The following KDM2B variants were observed in gnomAD, a reference collection of about 807,000 sequenced individuals.
KDM2B encodes lysine-specific demethylase 2B.
In KDM2B, 26 loss-of-function variants were observed where a neutral mutation model predicts 150.0. The observed-to-expected ratio is 0.17, with a 90% CI of 0.13 to 0.24. The LOEUF (loss-of-function observed/expected upper bound fraction) is 0.24, where lower values mean the gene tolerates loss of function less well. Among genes scored for constraint, KDM2B ranks in the 10% least tolerant of loss-of-function variants. KDM2B has a pLI of 1.00. For missense variants in KDM2B, 1,265 were observed against 1,816.9 expected (o/e 0.70, Z 5.52); for synonymous variants, 734 against 729.5 (o/e 1.01, Z -0.10).
intron 6 of KDM2B, among the ~76,000 whole-genome samples, chr12:121,547,602 A>G (rs997076728): frequency 4.7e-5 from 7 of 150,298 alleles, no homozygotes; most frequent in Non-Finnish European, 1.0e-4. Flanking sequence ...GGAAGCCCAG[A>G]GCAATGGCCC....
the KDM2B span, chr12:121,416,261 G>A: frequency 6.8e-5 from 109 of 1,614,002 alleles, no homozygotes; most frequent in African/African-American, 9.5e-4. Flanking sequence ...AGGAGCCACC[G>A]GTCCATTCAG....
At chr12:121,504,284 A>G (rs1884856476) in intron 11 of KDM2B, among the ~76,000 whole-genome samples, 1 of 151,586 alleles carries the variant, frequency 6.6e-6, no homozygotes, top group African/African-American at 2.4e-5. Flanking sequence ...TCAGTCTCAG[A>G]CTCCTGGGCT....
chr12:121,450,127 A>C (rs1418368242), intron 13 of KDM2B, among the ~76,000 whole-genome samples: 1 of 151,904 alleles, frequency 6.6e-6, no homozygotes, highest in Non-Finnish European at 1.5e-5. Flanking sequence ...CAGCCTAGAC[A>C]ATAGAGTGAA....
chr12:121,456,654 C>T (rs1301183312), intron 12 of KDM2B, among the ~76,000 whole-genome samples: 2 of 152,174 alleles, frequency 1.3e-5, no homozygotes, highest in African/African-American at 2.4e-5. Context: ...CTCCCTGCCC[C>T]GAGGACAGTG....
At position 121,509,158 on chromosome 12, in the gene KDM2B, G is replaced by C. The variant is rs200347523; in HGVS notation, c.1647+409C>G. ...ACTGCAACCTCCACCTCCCAGGTTCGAGCAATTCTTCTGCCTCAGCCTCCC... is the reference window on the plus strand; with the variant it reads ...ACTGCAACCTCCACCTCCCAGGTTCCAGCAATTCTTCTGCCTCAGCCTCCC... On this transcript the variant is annotated intron_variant, in intron 11 of 22. Transcript: ENST00000377071. Among the ~76,000 whole-genome samples the C allele has an allele frequency of 3.3e-5, 5 of 152,142 alleles. No homozygotes were observed. The East Asian group carries it at 7.7e-4, about 24-fold the overall frequency.
At chr12:121,524,707 A>G in intron 8 of KDM2B, 1 of 454,412 alleles carries the variant, frequency 2.2e-6, no homozygotes, top group Non-Finnish European at 4.4e-6. Context: ...ACAGCCCAGG[A>G]AGCATGAGAG....
At chr12:121,437,508 G>A (rs1593722525) in intron 22 of KDM2B, among the ~76,000 whole-genome samples, 1 of 150,702 alleles carries the variant, frequency 6.6e-6, no homozygotes. Context: ...GTCCACATGG[G>A]AAAAAAAAAG....
chr12:121,440,480 CCAA>C, intron 21 of KDM2B: 1 of 379,742 alleles, frequency 2.6e-6, no homozygotes, highest in Non-Finnish European at 4.8e-6. Flanking sequence ...AGGCTTGAAA[CCAA>C]CGAGGGGCAA....
At chr12:121,506,608 C>G (rs1180570818) in intron 11 of KDM2B, among the ~76,000 whole-genome samples, 1 of 151,860 alleles carries the variant, frequency 6.6e-6, no homozygotes, top group Non-Finnish European at 1.5e-5. Flanking sequence ...TCAAGACCAT[C>G]CTGGCCAACA....
rs1289459514 is a variant in KDM2B at position 121,452,537 on chromosome 12, G to C, written c.1959+583C>G. ...CCCCGGGGAGCAGCGCCCTGAGGAAGGCAGAGCATGTGGGTGTGTACAAGG... is the reference window on the plus strand; with the variant it reads ...CCCCGGGGAGCAGCGCCCTGAGGAACGCAGAGCATGTGGGTGTGTACAAGG... On this transcript the variant is annotated intron_variant, in intron 13 of 22. Coordinates refer to ENST00000377071, the MANE Select transcript of KDM2B (RefSeq NM_032590.5). This position sits in a 1 kb window ranked among gnomAD's most constrained non-coding sequence, Gnocchi z 4.4. Among the ~76,000 whole-genome samples the C allele has an allele frequency of 6.6e-6, 1 of 152,262 alleles. No homozygotes were observed. Among genetic ancestry groups the C allele is most frequent in the African/African-American group, 2.4e-5 (1 of 41,476 alleles).
intron 1 of KDM2B, chr12:121,580,176 C>G: frequency 6.5e-7 from 1 of 1,535,726 alleles, no homozygotes; most frequent in Non-Finnish European, 8.7e-7. Context: ...AAGCCAGAGC[C>G]GAGATCTACA....
chr12:121,555,419 C>A (rs927938392), intron 4 of KDM2B, among the ~76,000 whole-genome samples: 13 of 152,160 alleles, frequency 8.5e-5, no homozygotes, highest in African/African-American at 2.9e-4. Flanking sequence ...GTCTCCCAGG[C>A]TAGAGTGCAG....
intron 6 of KDM2B, among the ~76,000 whole-genome samples, chr12:121,539,422 T>C (rs1375607453): frequency 1.8e-4 from 27 of 148,864 alleles, no homozygotes; most frequent in Admixed American, 1.7e-3. Flanking sequence ...GACCAGGCTA[T>C]CCACATAAGA....
chr12:121,425,306 CA>C (rs562993599), downstream of KDM2B, among the ~76,000 whole-genome samples: 7,975 of 79,088 alleles, frequency 0.1, 486 homozygotes, highest in East Asian at 0.31. Flanking sequence ...AACTCCGTCT[CA>C]AAAAAAAAAA....
rs782687259 is a variant in KDM2B at position 121,440,040 on chromosome 12, C to T, written c.3646G>A (p.Val1216Met). 43 of 1,612,176 alleles carry T rather than the reference C, an allele frequency of 2.7e-5. No individual in the cohort carries two copies. In the Admixed American group the frequency reaches 6.0e-4, roughly 23 times the overall value. ...MDNRSKLRNIVELRLAGLDIT... is the reference protein window; with the variant it reads ...MDNRSKLRNIMELRLAGLDIT... Reference sequence around the variant, plus strand: ...TCCAGGCCTGCCAGGCGCAGCTCCACGATGTTCCGGAGCTTGCTCCGATTG... The same window carrying T: ...TCCAGGCCTGCCAGGCGCAGCTCCATGATGTTCCGGAGCTTGCTCCGATTG... The change falls in exon 22 of 23, where the codon GTG becomes ATG. Residue 1216 changes from valine (V) to methionine (M), a missense_variant. This residue lies in a region of KDM2B where 251 missense variants were observed against 397.8 expected (regional missense o/e 0.63). Coordinates refer to ENST00000377071, the MANE Select transcript of KDM2B (RefSeq NM_032590.5).
At chr12:121,538,745 G>C (rs1011290701) in intron 6 of KDM2B, among the ~76,000 whole-genome samples, 1 of 152,012 alleles carries the variant, frequency 6.6e-6, no homozygotes, top group African/African-American at 2.4e-5. Context: ...CTCAAGCCTC[G>C]AGTTCGGGTC....
chr12:121,500,310 C>T (rs1884414507), intron 11 of KDM2B, among the ~76,000 whole-genome samples: 1 of 152,142 alleles, frequency 6.6e-6, no homozygotes, highest in South Asian at 2.1e-4. Flanking sequence ...AAGGGTTACA[C>T]CTTACACGCC....
At chr12:121,459,656 C>T (rs1359336495) in intron 12 of KDM2B, among the ~76,000 whole-genome samples, 3 of 152,136 alleles carry the variant, frequency 2.0e-5, no homozygotes, top group African/African-American at 7.2e-5. Flanking sequence ...CATGGAGAAA[C>T]CCCATCTCTA....
chr12:121,488,181 G>C (rs1882980600), intron 12 of KDM2B, among the ~76,000 whole-genome samples: 1 of 152,282 alleles, frequency 6.6e-6, no homozygotes, highest in South Asian at 2.1e-4. Context: ...AAGTCATTCA[G>C]GTCCTTGCTT....
Sources: allele counts gnomAD v4.1 joint callset (sites outside exome capture counted in the v4.1 genomes callset), GRCh38; gene constraint gnomAD v4.1.1; regional missense constraint gnomAD v4.1.1; non-coding constraint Gnocchi (gnomAD v3.1); transcripts MANE v1.5; gene names NCBI Gene and HGNC (gene_info 2026-07-23, HGNC 2026-07-21).